Variants in CPEB3 observed in about 807,000 individuals in gnomAD.
The protein encoded by CPEB3 is cytoplasmic polyadenylation element-binding protein 3.
Under a neutral mutation model 67.2 loss-of-function variants are expected in CPEB3, and 20 were observed. That is an observed-to-expected ratio of 0.30 (90% CI 0.21 to 0.43). The LOEUF (loss-of-function observed/expected upper bound fraction) is 0.43, where lower values mean the gene tolerates loss of function less well. Among genes scored for constraint, CPEB3 ranks in the 20% least tolerant of loss-of-function variants. The pLI is 1.00. For missense variants in CPEB3, 746 were observed against 968.6 expected (o/e 0.77, Z 3.05); for synonymous variants, 376 against 393.1 (o/e 0.96, Z 0.51).
At chr10:92,201,499 G>T (rs74444802) in intron 2 of CPEB3, among the ~76,000 whole-genome samples, 1 of 152,168 alleles carries the variant, frequency 6.6e-6, no homozygotes, top group Non-Finnish European at 1.5e-5. Flanking sequence ...CCGCACTCCA[G>T]TCTGGGCAAC....
At chr10:92,120,902 T>C (rs1480072024) in intron 6 of CPEB3, among the ~76,000 whole-genome samples, 1 of 152,038 alleles carries the variant, frequency 6.6e-6, no homozygotes, top group African/African-American at 2.4e-5. Context: ...GGTTTTGCCA[T>C]GTTGGCCAGA....
chr10:92,188,393 T>TAG (rs1460849592), intron 3 of CPEB3, among the ~76,000 whole-genome samples: 1 of 122,896 alleles, frequency 8.1e-6, no homozygotes, highest in Non-Finnish European at 1.7e-5. Flanking sequence ...GCCAAGCACG[T>TAG]AGTTTGGGAT....
chr10:92,164,517 T>C (rs1312233756), intron 4 of CPEB3, among the ~76,000 whole-genome samples: 1 of 152,204 alleles, frequency 6.6e-6, no homozygotes, highest in Non-Finnish European at 1.5e-5. Context: ...TCGCCATAGT[T>C]TTGTTTGCCT....
chr10:92,177,053 T>A (rs1294258194), intron 4 of CPEB3, among the ~76,000 whole-genome samples: 2 of 152,148 alleles, frequency 1.3e-5, no homozygotes, highest in Admixed American at 6.5e-5. Context: ...AGGTTGGACA[T>A]CCCTGACCTA....
chr10:92,100,672 A>G (rs1296721156), intron 7 of CPEB3, among the ~76,000 whole-genome samples: 1 of 152,106 alleles, frequency 6.6e-6, no homozygotes, highest in Non-Finnish European at 1.5e-5. Flanking sequence ...GCTCACTGCA[A>G]GCTTCGCCTC....
intron 2 of CPEB3, among the ~76,000 whole-genome samples, chr10:92,213,388 A>G (rs1419682529): frequency 6.6e-6 from 1 of 152,218 alleles, no homozygotes; most frequent in East Asian, 1.9e-4. Flanking sequence ...ATTAAGTTTA[A>G]CAAACAGAAA....
chr10:92,202,230 T>C (rs191059774), intron 2 of CPEB3, among the ~76,000 whole-genome samples: 3 of 152,114 alleles, frequency 2.0e-5, no homozygotes, highest in African/African-American at 7.2e-5. Context: ...GTTAAACATA[T>C]ACTTAAGCAC....
chr10:92,148,071 A>T (rs1227554194), intron 4 of CPEB3, among the ~76,000 whole-genome samples: 1 of 152,158 alleles, frequency 6.6e-6, no homozygotes, highest in African/African-American at 2.4e-5. Flanking sequence ...CTTTCTCCAC[A>T]AAACAGCCAA....
chr10:92,170,627 A>G (rs1359902009), intron 4 of CPEB3, among the ~76,000 whole-genome samples: 1 of 152,050 alleles, frequency 6.6e-6, no homozygotes, highest in Non-Finnish European at 1.5e-5. Context: ...AGAGAAAAGA[A>G]GGAAGGAAAA....
intron 2 of CPEB3, among the ~76,000 whole-genome samples, chr10:92,204,825 T>C (rs1849700334): frequency 6.7e-6 from 1 of 149,816 alleles, no homozygotes; most frequent in Admixed American, 6.7e-5. Context: ...AAGCCAAAAC[T>C]ATCTTAACCA....
intron 8 of CPEB3, among the ~76,000 whole-genome samples, chr10:92,082,965 T>C (rs989768069): frequency 3.3e-5 from 5 of 152,046 alleles, no homozygotes; most frequent in Admixed American, 1.3e-4. Flanking sequence ...TTCTGCAGAA[T>C]GTACAAAGGG....
At chr10:92,119,314 T>G in intron 6 of CPEB3, 2 of 1,441,450 alleles carry the variant, frequency 1.4e-6, no homozygotes, top group Non-Finnish European at 1.9e-6. Context: ...GTAGAGTACC[T>G]TGTAGAACAT....
intron 1 of CPEB3, among the ~76,000 whole-genome samples, chr10:92,272,571 T>C (rs1853354296): frequency 6.6e-6 from 1 of 152,152 alleles, no homozygotes; most frequent in Non-Finnish European, 1.5e-5. Flanking sequence ...CAGAGTTCAT[T>C]CTATCCTTAT....
chr10:92,203,270 T>A (rs913201160), intron 2 of CPEB3, among the ~76,000 whole-genome samples: 1 of 150,410 alleles, frequency 6.6e-6, no homozygotes, highest in Admixed American at 6.7e-5. Context: ...AAGGCATTTC[T>A]AAGACTTTAA....
At chr10:92,153,867 T>C (rs373419657) in intron 4 of CPEB3, among the ~76,000 whole-genome samples, 1 of 152,216 alleles carries the variant, frequency 6.6e-6, no homozygotes, top group Admixed American at 6.5e-5. Context: ...TAAAAACTCA[T>C]ACTCATGTAA....
intron 1 of CPEB3, among the ~76,000 whole-genome samples, chr10:92,248,323 A>G (rs542358058): frequency 6.6e-6 from 1 of 152,340 alleles, no homozygotes; most frequent in African/African-American, 2.4e-5. Flanking sequence ...TACAAATGCA[A>G]GCATTCACTT....
chr10:92,286,214 C>T (rs569622374), intron 1 of CPEB3, among the ~76,000 whole-genome samples: 27 of 151,956 alleles, frequency 1.8e-4, no homozygotes, highest in Non-Finnish European at 3.2e-4. Context: ...GGATTACAGG[C>T]GTGAGCTACC....
chr10:92,117,167 G>A (rs751216274), intron 6 of CPEB3, among the ~76,000 whole-genome samples: 1 of 151,200 alleles, frequency 6.6e-6, no homozygotes, highest in Non-Finnish European at 1.5e-5. Flanking sequence ...GGGATTACAG[G>A]TGCCCGCCAC....
chr10:92,255,135 C>T (rs903765795), intron 1 of CPEB3, among the ~76,000 whole-genome samples: 1 of 152,146 alleles, frequency 6.6e-6, no homozygotes, highest in African/African-American at 2.4e-5. Flanking sequence ...CCCTTTCCTC[C>T]TTTCTCAGAG....
Sources: gnomAD v4.1 joint callset for allele counts (sites outside exome capture counted in the v4.1 genomes callset) on GRCh38, gnomAD v4.1.1 for gene constraint, MANE v1.5 for transcripts, NCBI Gene and HGNC (gene_info 2026-07-23, HGNC 2026-07-21) for gene names.